COL4A3: variants seen among roughly 807,000 people sequenced by gnomAD.
COL4A3 encodes the protein collagen type IV alpha 3 chain.
In COL4A3, 135 loss-of-function variants were observed where a neutral mutation model predicts 217.4. The ratio of observed to expected loss-of-function variants is 0.62; its 90% confidence interval spans 0.54 to 0.72. COL4A3 has a LOEUF of 0.72. Among genes scored for constraint, COL4A3 ranks in the 30% least tolerant of loss-of-function variants. The pLI, the probability that COL4A3 is intolerant of heterozygous loss-of-function variation, is 0.00. For synonymous variants in COL4A3, 690 were observed against 736.3 expected (o/e 0.94, Z 1.02); for missense variants, 1,868 against 2,119.9 (o/e 0.88, Z 2.33).
chr2:227,221,738 C>A (rs1271355999), intron 1 of COL4A3, among the ~76,000 whole-genome samples: 1 of 151,750 alleles, frequency 6.6e-6, no homozygotes, highest in African/African-American at 2.4e-5. Flanking sequence ...TGTTTTCTTC[C>A]CCCTGTTAGA....
chr2:227,228,952 C>A (rs1363356773), intron 1 of COL4A3, among the ~76,000 whole-genome samples: 4 of 152,122 alleles, frequency 2.6e-5, no homozygotes, highest in Non-Finnish European at 5.9e-5. Flanking sequence ...ATCCTATGAA[C>A]TCTTCTAAGG....
At chr2:227,176,005 T>G (rs983213580) in intron 1 of COL4A3, among the ~76,000 whole-genome samples, 1 of 152,154 alleles carries the variant, frequency 6.6e-6, no homozygotes, top group Non-Finnish European at 1.5e-5. Context: ...ACAGCAAGAT[T>G]GCCAAGCTAG....
chr2:227,238,602 C>A (rs2068836389), intron 2 of COL4A3, among the ~76,000 whole-genome samples: 1 of 152,130 alleles, frequency 6.6e-6, no homozygotes, highest in East Asian at 1.9e-4. Context: ...AAGATAGAGG[C>A]AGAACTAAAG....
chr2:227,287,546 C>T (rs546463503), intron 34 of COL4A3, among the ~76,000 whole-genome samples: 52 of 152,184 alleles, frequency 3.4e-4, no homozygotes, highest in South Asian at 3.1e-3. Flanking sequence ...AACAAACAGA[C>T]TAAACAGTAT....
At chr2:227,182,932 A>C (rs904922053) in intron 1 of COL4A3, among the ~76,000 whole-genome samples, 1 of 152,238 alleles carries the variant, frequency 6.6e-6, no homozygotes, top group African/African-American at 2.4e-5. Flanking sequence ...TCTAACATTT[A>C]CTAACATACT....
intron 1 of COL4A3, among the ~76,000 whole-genome samples, chr2:227,226,242 A>C (rs1051962623): frequency 6.6e-6 from 1 of 152,144 alleles, no homozygotes; most frequent in East Asian, 1.9e-4. Context: ...GAAGTTCAAA[A>C]CATGAAGAAC....
chr2:227,273,521 G>A (rs1171199424), intron 26 of COL4A3, among the ~76,000 whole-genome samples: 2 of 152,088 alleles, frequency 1.3e-5, no homozygotes, highest in African/African-American at 4.8e-5. Context: ...CCTCCTGCCT[G>A]GTCTCCTGAG....
intron 32 of COL4A3, among the ~76,000 whole-genome samples, chr2:227,283,516 C>G (rs896151694): frequency 6.6e-6 from 1 of 152,154 alleles, no homozygotes; most frequent in Non-Finnish European, 1.5e-5. Flanking sequence ...GGATGGAATG[C>G]TCCAAAACTT....
chr2:227,213,857 A>C (rs1184611544), intron 1 of COL4A3, among the ~76,000 whole-genome samples: 1 of 148,354 alleles, frequency 6.7e-6, no homozygotes, highest in Non-Finnish European at 1.5e-5. Flanking sequence ...AGCCAAGATC[A>C]CACCACTGCA....
intron 18 of COL4A3, 36 bp from the exon 19 acceptor site, chr2:227,259,757 T>C: frequency 6.9e-7 from 1 of 1,440,938 alleles, no homozygotes; most frequent in Non-Finnish European, 9.8e-7. Context: ...CATAAATAGC[T>C]ATCCTTTCTC....
At chr2:227,251,451 G>T in intron 11 of COL4A3, 80 bp downstream of exon 11, 1 of 1,374,832 alleles carries the variant, frequency 7.3e-7, no homozygotes, top group South Asian at 1.2e-5. Flanking sequence ...TTCTTCATGT[G>T]GGTCACTGTT....
intron 44 of COL4A3, among the ~76,000 whole-genome samples, 198 bp downstream of exon 44, chr2:227,303,308 G>A (rs938449459): frequency 2.6e-5 from 4 of 151,960 alleles, no homozygotes; most frequent in African/African-American, 7.3e-5. Flanking sequence ...AATGGCTCTC[G>A]GTAACCTTCT....
intron 1 of COL4A3, among the ~76,000 whole-genome samples, chr2:227,215,199 A>G (rs1309481364): frequency 6.6e-6 from 1 of 151,988 alleles, no homozygotes; most frequent in African/African-American, 2.4e-5. Flanking sequence ...TTCCCTCATT[A>G]TGAAATAATG....
chr2:227,188,651 T>C (rs996062834), intron 1 of COL4A3, among the ~76,000 whole-genome samples: 1 of 152,234 alleles, frequency 6.6e-6, no homozygotes, highest in Non-Finnish European at 1.5e-5. Flanking sequence ...CACTACCAAA[T>C]CAATAACTTT....
At chr2:227,277,322 G>GA (rs59353048) in intron 27 of COL4A3, 127 bp from the exon 28 acceptor site, 332 of 546,602 alleles carry the variant, frequency 6.1e-4, no homozygotes, top group African/African-American at 3.5e-3. Context: ...CCATCAACAG[G>GA]AAAAAAAAAA....
intron 1 of COL4A3, among the ~76,000 whole-genome samples, chr2:227,177,754 G>A (rs1224256138): frequency 6.6e-6 from 1 of 152,152 alleles, no homozygotes; most frequent in East Asian, 1.9e-4. Flanking sequence ...GTCCCACTGG[G>A]GCGTGAATCA....
At chr2:227,278,937 AC>A (rs2071762106) in intron 28 of COL4A3, among the ~76,000 whole-genome samples, 1 of 152,134 alleles carries the variant, frequency 6.6e-6, no homozygotes, top group African/African-American at 2.4e-5. Flanking sequence ...AAGTGTGTTG[AC>A]CCCTTTCTCA....
intron 20 of COL4A3, 140 bp from the exon 21 acceptor site, chr2:227,263,639 AC>A: frequency 1.2e-6 from 1 of 843,934 alleles, no homozygotes; most frequent in East Asian, 2.7e-5. Flanking sequence ...AAGGATATTC[AC>A]TTTTTTATTT....
At chr2:227,246,663 A>C in intron 6 of COL4A3, 22 bp from the exon 7 acceptor site, 1 of 1,596,174 alleles carries the variant, frequency 6.3e-7, no homozygotes, top group Non-Finnish European at 8.6e-7. Context: ...AAGAATAATA[A>C]GAAACTTTGT....
Sources: allele counts gnomAD v4.1 joint callset (sites outside exome capture counted in the v4.1 genomes callset), GRCh38; gene constraint gnomAD v4.1.1; transcripts MANE v1.5; gene names NCBI Gene and HGNC (gene_info 2026-07-23, HGNC 2026-07-21).